Variants in TBC1D22A observed in about 807,000 individuals in gnomAD.
The protein encoded by TBC1D22A is TBC1 domain family member 22A, also known as putative GTPase activator.
A neutral mutation model predicts 60.2 loss-of-function variants in TBC1D22A; 38 were observed. The observed-to-expected ratio is 0.63, with a 90% CI of 0.49 to 0.83. The LOEUF (loss-of-function observed/expected upper bound fraction) is 0.83. TBC1D22A is among the 40% of genes least tolerant of loss of function. TBC1D22A has a pLI of 0.00. For synonymous variants in TBC1D22A, 302 were observed against 281.7 expected, an observed-to-expected ratio of 1.07 and a Z score of -0.72; for missense variants, 628 against 701.0, an observed-to-expected ratio of 0.90 and a Z score of 1.18.
intron 11 of TBC1D22A, among the ~76,000 whole-genome samples, chr22:47,097,750 A>T (rs1406666544): frequency 6.6e-6 from 1 of 152,222 alleles, no homozygotes; most frequent in African/African-American, 2.4e-5. Context: ...TATGTCTTTC[A>T]GGTAACTTTT....
intron 12 of TBC1D22A, among the ~76,000 whole-genome samples, chr22:47,127,958 C>T (rs1183818468): frequency 8.1e-6 from 1 of 123,148 alleles, no homozygotes; most frequent in African/African-American, 3.0e-5. Flanking sequence ...CCACCCCACC[C>T]GTCCTTCCCT....
intron 11 of TBC1D22A, among the ~76,000 whole-genome samples, chr22:47,049,384 G>A (rs1165790303): frequency 3.9e-5 from 6 of 152,236 alleles, no homozygotes; most frequent in Non-Finnish European, 8.8e-5. Context: ...CCTGGGCAGC[G>A]GGACCTTTGC....
intron 7 of TBC1D22A, among the ~76,000 whole-genome samples, chr22:46,902,614 C>G (rs777207485): frequency 6.6e-6 from 1 of 152,280 alleles, no homozygotes; most frequent in Admixed American, 6.5e-5. Flanking sequence ...GACAGAGCCC[C>G]GCTGTGTCCG....
In TBC1D22A at chr22:47,030,750, T is replaced by C. The variant is rs570977394; in HGVS notation, c.1202-6321T>C. On this transcript the variant is annotated intron_variant, in intron 10 of 12. Coordinates refer to ENST00000337137, the MANE Select transcript of TBC1D22A (RefSeq NM_014346.5). ...AATTACCTTTATCAGTGAAAGAGCA[T>C]CTGCTCGCAATTACTTATAAAATAA... Among the ~76,000 whole-genome samples, 9 of 152,382 alleles carry C rather than the reference T, an allele frequency of 5.9e-5. No homozygotes were observed. The South Asian group carries it at 1.9e-3, about 32-fold the overall frequency.
intron 5 of TBC1D22A, among the ~76,000 whole-genome samples, chr22:46,881,908 T>C (rs2067870578): frequency 6.6e-6 from 1 of 152,150 alleles, no homozygotes; most frequent in Admixed American, 6.5e-5. Context: ...AGAGGAGAGA[T>C]CTGGGAGCAC....
intron 10 of TBC1D22A, among the ~76,000 whole-genome samples, chr22:47,018,579 CA>C (rs1361090265): frequency 6.6e-6 from 1 of 152,126 alleles, no homozygotes; most frequent in Non-Finnish European, 1.5e-5. Context: ...GTGAGTCAGT[CA>C]CTGTTGGTGG....
intron 12 of TBC1D22A, among the ~76,000 whole-genome samples, chr22:47,167,646 G>C (rs6008052): frequency 0.13 from 19,124 of 152,224 alleles, 1,300 homozygotes; most frequent in Non-Finnish European, 0.15. Context: ...TCAGCTGCAA[G>C]AAGAGACCTG....
At position 46,878,651 on chromosome 22, in the gene TBC1D22A, A is replaced by C; in HGVS notation, c.638-2A>C. Reference sequence around the variant, plus strand: ...TTTCCTTGTCTCTTTTTTCATCAACAGAGGAATTACGGAGGTTGAGCTGGT... The same window carrying C: ...TTTCCTTGTCTCTTTTTTCATCAACCGAGGAATTACGGAGGTTGAGCTGGT... On this transcript the variant is annotated splice_acceptor_variant, in intron 4 of 12. Coordinates refer to ENST00000337137, the MANE Select transcript of TBC1D22A (RefSeq NM_014346.5). LOFTEE classifies it high-confidence loss of function. 6.2e-7 allele frequency: 1 copy of C among 1,613,160 alleles called. No homozygotes were observed. The highest frequency in any genetic ancestry group is 8.5e-7 in the Non-Finnish European group (1 of 1,179,780).
chr22:46,958,484 G>A (rs1435139284), intron 8 of TBC1D22A, among the ~76,000 whole-genome samples: 1 of 152,188 alleles, frequency 6.6e-6, no homozygotes, highest in Non-Finnish European at 1.5e-5. Context: ...GTCCACCTGG[G>A]TGTCCGTCTC....
chr22:47,025,233 A>G (rs571451775), intron 10 of TBC1D22A, among the ~76,000 whole-genome samples: 1 of 152,378 alleles, frequency 6.6e-6, no homozygotes, highest in South Asian at 2.1e-4. Flanking sequence ...AAGAAGCTTG[A>G]AAACACTGTC....
At chr22:46,989,079 G>T (rs1340481590) in intron 9 of TBC1D22A, among the ~76,000 whole-genome samples, 1 of 152,212 alleles carries the variant, frequency 6.6e-6, no homozygotes, top group Non-Finnish European at 1.5e-5. Context: ...TAAACCTGAT[G>T]AACTGACCTC....
chr22:46,763,043 G>C (rs2083156253), intron 1 of TBC1D22A, among the ~76,000 whole-genome samples, 195 bp downstream of exon 1: 1 of 152,150 alleles, frequency 6.6e-6, no homozygotes, highest in Admixed American at 6.5e-5. Flanking sequence ...GTGGCTGCAC[G>C]TAGGATCGAG....
intron 4 of TBC1D22A, among the ~76,000 whole-genome samples, chr22:46,852,463 G>A (rs879733090): frequency 2.0e-5 from 3 of 152,138 alleles, no homozygotes; most frequent in Admixed American, 6.5e-5. Flanking sequence ...TGAGACTTAC[G>A]GAATCTTCCC....
chr22:46,918,237 C>G (rs890654289), intron 8 of TBC1D22A, among the ~76,000 whole-genome samples: 1 of 152,238 alleles, frequency 6.6e-6, no homozygotes, highest in African/African-American at 2.4e-5. Context: ...GGCCGCATCT[C>G]TGCTCTGTCC....
At chr22:46,915,874 C>A (rs1321102035) in intron 8 of TBC1D22A, 2 of 451,544 alleles carry the variant, frequency 4.4e-6, no homozygotes, top group Non-Finnish European at 9.0e-6. Flanking sequence ...TCGGGAGTGG[C>A]TCATCGTTCT....
chr22:46,820,175 A>G (rs985391085), intron 4 of TBC1D22A, among the ~76,000 whole-genome samples: 7 of 151,966 alleles, frequency 4.6e-5, no homozygotes, highest in Non-Finnish European at 7.4e-5. Context: ...CATTTTTTCA[A>G]TAACCCAGCT....
chr22:46,837,332 A>G (rs6008981), intron 4 of TBC1D22A, among the ~76,000 whole-genome samples: 86,279 of 152,084 alleles, frequency 0.57, 27,045 homozygotes, highest in African/African-American at 0.86. Context: ...AAAATGGATC[A>G]ATCATCCAGA....
chr22:47,065,626 A>G (rs2063731313), intron 11 of TBC1D22A, among the ~76,000 whole-genome samples: 1 of 152,404 alleles, frequency 6.6e-6, no homozygotes, highest in South Asian at 2.1e-4. Context: ...AGGACTTAGC[A>G]GGCCTCGGAG....
chr22:47,126,421 T>C (rs946324662), intron 12 of TBC1D22A, among the ~76,000 whole-genome samples: 4 of 152,204 alleles, frequency 2.6e-5, no homozygotes, highest in Non-Finnish European at 5.9e-5. Context: ...CTCTTGTAAC[T>C]GGGTGGAGGC....
Sources: allele counts gnomAD v4.1 joint callset (sites outside exome capture counted in the v4.1 genomes callset), GRCh38; gene constraint gnomAD v4.1.1; transcripts MANE v1.5; gene names NCBI Gene and HGNC (gene_info 2026-07-23, HGNC 2026-07-21).